CHAF1B: variants seen among roughly 807,000 people sequenced by gnomAD.
CHAF1B encodes the protein chromatin assembly factor 1 subunit B, also known as CAF-1 subunit B.
CHAF1B carries 10 observed loss-of-function variants against 60.7 expected under a neutral mutation model. The observed-to-expected ratio is 0.16, with a 90% CI of 0.10 to 0.28. The LOEUF (loss-of-function observed/expected upper bound fraction) is 0.28, where lower values mean the gene tolerates loss of function less well. Ranked by LOEUF, CHAF1B falls within the 10% of genes least tolerant of loss-of-function variation. CHAF1B has a pLI of 1.00. For synonymous variants in CHAF1B, 261 were observed against 266.1 expected (o/e 0.98, Z 0.19); for missense variants, 558 against 708.4 (o/e 0.79, Z 2.41).
At chr21:36,392,696 C>T (rs894307775) in intron 4 of CHAF1B, among the ~76,000 whole-genome samples, 7 of 151,582 alleles carry the variant, frequency 4.6e-5, no homozygotes, top group African/African-American at 7.3e-5. Flanking sequence ...TCAGACGGGG[C>T]GGCCGGGCAG....
chr21:36,391,189 C>T (rs944048891), intron 3 of CHAF1B, among the ~76,000 whole-genome samples: 1 of 152,132 alleles, frequency 6.6e-6, no homozygotes, highest in Non-Finnish European at 1.5e-5. Context: ...TTGTATAGCT[C>T]TGATCTGTTA....
chr21:36,389,800 T>TGTGTGTGTGTGTGTGTGC, intron 3 of CHAF1B, among the ~76,000 whole-genome samples: 1 of 124,746 alleles, frequency 8.0e-6, no homozygotes, highest in African/African-American at 3.5e-5. Context: ...TGTGTGTGTG[T>TGTGTGTGTGTGTGTGTGC]GCGCGCGCAC....
intron 3 of CHAF1B, among the ~76,000 whole-genome samples, chr21:36,389,800 T>TGTGTGTGTGTGTGTGCGCGCGCGC: frequency 3.0e-4 from 38 of 124,796 alleles, no homozygotes; most frequent in Non-Finnish European, 2.3e-4. Flanking sequence ...TGTGTGTGTG[T>TGTGTGTGTGTGTGTGCGCGCGCGC]GCGCGCGCAC....
chr21:36,415,251 A>C, intron 12 of CHAF1B, 44 bp from the exon 13 acceptor site: 1 of 1,148,106 alleles, frequency 8.7e-7, no homozygotes, highest in Non-Finnish European at 1.3e-6. Flanking sequence ...TTCCTGTGAT[A>C]CTAATGAGCC....
rs115394807 is a variant in CHAF1B at position 36,400,866 on chromosome 21, G to A, written c.663+1261G>A. ...GCAGCGAGGTGCGGGGAGCAAGCTG[G>A]TTACTGGCTTCACACGGGGACATGG... On this transcript the variant is annotated intron_variant, in intron 7 of 13. Transcript: ENST00000314103. 7.9e-3 allele frequency among the ~76,000 whole-genome samples: 1,204 copies of A among 152,316 alleles called. 16 individuals are homozygous for A. The highest frequency in any genetic ancestry group is 0.028 in the African/African-American group (1,150 of 41,574).
Position 36,416,481 on chromosome 21 carries a change from A to G in CHAF1B, c.*115A>G, listed in dbSNP as rs2086320986. 6 of 680,882 alleles carry G rather than the reference A, an allele frequency of 8.8e-6. No homozygotes were observed. The highest frequency in any genetic ancestry group is 1.4e-5 in the Non-Finnish European group (6 of 414,850). The allele number at this position is 680,882 out of a possible 1,614,324, so 42.2% of individuals were successfully genotyped here. On this transcript the variant is annotated 3_prime_UTR_variant, in exon 14 of 14. Transcript: ENST00000314103. ...ATGGAGCGGGACACACTGTAAATGG[A>G]TTTCTATAACAGAAGTGACATGTGT...
chr21:36,394,729 ACT>A, intron 5 of CHAF1B, 79 bp downstream of exon 5: 1 of 922,654 alleles, frequency 1.1e-6, no homozygotes, highest in Non-Finnish European at 1.6e-6. Context: ...ACTTGCTTTA[ACT>A]TTTTTTTTTT....
chr21:36,391,907 A>ATTTTTTTTTTTTTTTT (rs55920360), intron 4 of CHAF1B, among the ~76,000 whole-genome samples: 7 of 67,042 alleles, frequency 1.0e-4, no homozygotes, highest in African/African-American at 1.6e-4. Flanking sequence ...TGATTTTTAA[A>ATTTTTTTTTTTTTTTT]TTTTTTTTTT....
intron 10 of CHAF1B, among the ~76,000 whole-genome samples, chr21:36,410,706 G>A (rs1601568251): frequency 6.6e-6 from 1 of 150,816 alleles, no homozygotes; most frequent in Non-Finnish European, 1.5e-5. Context: ...TGTTGCCCAG[G>A]CTGGGGTGCA....
Position 36,412,923 on chromosome 21 carries a change from C to T in CHAF1B, c.1101C>T (p.Asp367=), listed in dbSNP as rs200643242. Residue 367 remains aspartate, a synonymous_variant, in exon 12 of 14, where the codon GAC becomes GAT. Coordinates refer to ENST00000314103, the MANE Select transcript of CHAF1B (RefSeq NM_005441.3). ...CCTTCCTGGCCATTTCTTCCACGGACGGTTACTGCTCATTTGTGACATTTG... is the reference window on the plus strand; with the variant it reads ...CCTTCCTGGCCATTTCTTCCACGGATGGTTACTGCTCATTTGTGACATTTG... ...DGAFLAISST[D]GYCSFVTFEK... is the part of the protein sequence containing the mutation. 24 of 1,613,960 alleles carry T rather than the reference C, an allele frequency of 1.5e-5. No individual in the cohort carries two copies. The highest frequency in any genetic ancestry group is 6.7e-5 in the East Asian group (3 of 44,896).
intron 4 of CHAF1B, 71 bp downstream of exon 4, chr21:36,391,739 CTTTT>C (rs928219348): frequency 2.1e-6 from 2 of 956,590 alleles, no homozygotes; most frequent in East Asian, 2.6e-5. Flanking sequence ...TACCTTTTGA[CTTTT>C]TTTTTCTTTT....
Position 36,394,509 on chromosome 21 carries a change from G to T in CHAF1B, c.378-38G>T, listed in dbSNP as rs751076008. 7 of 1,398,492 alleles carry T rather than the reference G, an allele frequency of 5.0e-6. No homozygotes were observed. The South Asian group carries it at 8.1e-5, about 16-fold the overall frequency. 86.6% of individuals were successfully genotyped at this position (1,398,492 alleles called of 1,614,324 possible). On this transcript the variant is annotated intron_variant, in intron 4 of 13. Transcript: ENST00000314103. ...ACAGGGGTAAGCTGCTATACCTGGG[G>T]AGTAATTGCTTTTTTCCTCTTTGTT...
chr21:36,393,057 C>A (rs532394484), intron 4 of CHAF1B, among the ~76,000 whole-genome samples: 8 of 152,202 alleles, frequency 5.3e-5, no homozygotes, highest in Non-Finnish European at 1.0e-4. Context: ...CAAAAAAATA[C>A]GAAAACCAGA....
At chr21:36,396,983 A>G (rs751306443) in intron 5 of CHAF1B, among the ~76,000 whole-genome samples, 1 of 152,022 alleles carries the variant, frequency 6.6e-6, no homozygotes, top group Non-Finnish European at 1.5e-5. Flanking sequence ...CTCTGTACCC[A>G]TTAGCAGTTC....
chr21:36,412,754 T>G, intron 11 of CHAF1B, 130 bp from the exon 12 acceptor site: 2 of 824,410 alleles, frequency 2.4e-6, no homozygotes, highest in Non-Finnish European at 3.8e-6. Context: ...TCACACACTC[T>G]TTTCCAGTTG....
At chr21:36,412,736 A>T in intron 11 of CHAF1B, 148 bp from the exon 12 acceptor site, 1 of 697,876 alleles carries the variant, frequency 1.4e-6, no homozygotes, top group Non-Finnish European at 2.4e-6. Context: ...TGCATGAGTG[A>T]GTCGCTATCA....
intron 7 of CHAF1B, among the ~76,000 whole-genome samples, chr21:36,401,914 T>C (rs910914674): frequency 2.0e-5 from 3 of 151,768 alleles, no homozygotes; most frequent in African/African-American, 7.3e-5. Context: ...ATAATTTTTG[T>C]ATTTTTAGTA....
At position 36,417,493 on chromosome 21, in the gene CHAF1B, C is replaced by T. The variant is rs921284331; in HGVS notation, c.*1127C>T. 3.3e-5 allele frequency: 5 copies of T among 151,944 alleles called. No homozygotes were observed. The highest frequency in any genetic ancestry group is 1.2e-4 in the African/African-American group (5 of 41,342). The allele number at this position is 151,944 out of a possible 1,614,324, so 9.4% of individuals were successfully genotyped here. A position where few individuals can be genotyped will look rare whatever the true frequency, so the allele number is the denominator to read the frequency against. On this transcript the variant is annotated 3_prime_UTR_variant, in exon 14 of 14. Coordinates refer to ENST00000314103, the MANE Select transcript of CHAF1B (RefSeq NM_005441.3). ...TACAGGTGTGTGCCACCACATCCGG[C>T]TAATTTTTATATTTTTAGTAGAGAT...
chr21:36,414,464 AT>A (rs1848835932), intron 12 of CHAF1B, among the ~76,000 whole-genome samples: 1 of 152,078 alleles, frequency 6.6e-6, no homozygotes, highest in Non-Finnish European at 1.5e-5. Context: ...GTTTGTTTTT[AT>A]GTGACGGAAG....
Sources: allele counts gnomAD v4.1 joint callset (sites outside exome capture counted in the v4.1 genomes callset), GRCh38; gene constraint gnomAD v4.1.1; transcripts MANE v1.5; gene names NCBI Gene and HGNC (gene_info 2026-07-23, HGNC 2026-07-21).